The following SLC4A7 variants were observed in gnomAD, a reference collection of about 807,000 sequenced individuals.
The protein encoded by SLC4A7 is sodium bicarbonate cotransporter 3.
Under a neutral mutation model 137.6 loss-of-function variants are expected in SLC4A7, and 51 were observed. The observed-to-expected ratio is 0.37, with a 90% CI of 0.30 to 0.47. The LOEUF (loss-of-function observed/expected upper bound fraction) is 0.47. Ranked by LOEUF, SLC4A7 falls within the 20% of genes least tolerant of loss-of-function variation. The probability of loss-of-function intolerance (pLI) is 1.00; values close to 1 mark genes in which losing one functional copy is unlikely to be tolerated. For synonymous variants in SLC4A7, 542 were observed against 518.6 expected, an observed-to-expected ratio of 1.05 and a Z score of -0.61; for missense variants, 1,247 against 1,525.4, an observed-to-expected ratio of 0.82 and a Z score of 3.04.
intron 18 of SLC4A7, 81 bp downstream of exon 18, chr3:27,397,603 T>A (rs565240254): frequency 7.0e-6 from 5 of 713,292 alleles, no homozygotes; most frequent in South Asian, 5.1e-5. Context: ...TTTAAAACAA[T>A]AACTACTGAG....
chr3:27,433,829 A>C (rs976415495), intron 6 of SLC4A7, 87 bp downstream of exon 6: 12 of 1,177,358 alleles, frequency 1.0e-5, no homozygotes, highest in Admixed American at 1.9e-5. Flanking sequence ...GTGAGTGTTT[A>C]AATATCCCCA....
chr3:27,471,108 A>T (rs531776380), intron 1 of SLC4A7, among the ~76,000 whole-genome samples: 1 of 152,308 alleles, frequency 6.6e-6, no homozygotes, highest in East Asian at 1.9e-4. Context: ...TGTATAAAAT[A>T]AAAAGTTTCA....
In SLC4A7 at chr3:27,374,550, T is replaced by A. The variant is rs2049773934; in HGVS notation, c.*2214A>T. 6.6e-6 allele frequency: 1 copy of A among 152,512 alleles called. No individual in the cohort carries two copies. Among genetic ancestry groups the A allele is most frequent in the African/African-American group, 2.4e-5 (1 of 41,450 alleles). The allele number at this position is 152,512 out of a possible 1,614,324, so 9.4% of individuals were successfully genotyped here. A position where few individuals can be genotyped will look rare whatever the true frequency, so the allele number is the denominator to read the frequency against. ...AACATGAGTTACCTTTGCTCTTAAA[T>A]GGAGTAGTCAGATCATTTTGTCAGT... On this transcript the variant is annotated 3_prime_UTR_variant, in exon 26 of 26. Transcript: ENST00000454389.
intron 15 of SLC4A7, 143 bp from the exon 16 acceptor site, chr3:27,401,012 T>A (rs2052692736): frequency 9.8e-6 from 5 of 509,738 alleles, no homozygotes; most frequent in Non-Finnish European, 1.7e-5. Flanking sequence ...GGAAAATACA[T>A]CAGAAACAAC....
chr3:27,470,616 C>T (rs1386438581), intron 1 of SLC4A7, among the ~76,000 whole-genome samples: 1 of 149,522 alleles, frequency 6.7e-6, no homozygotes, highest in African/African-American at 2.5e-5. Flanking sequence ...GGGTGGCTAC[C>T]TCATGGGCAG....
rs150493940 is a variant in SLC4A7 at position 27,376,766 on chromosome 3, A to G, written c.3778T>C (p.Ter1260GlnextTer2). The change falls in exon 26 of 26, where the codon TAG becomes CAG. Residue 1260 changes from the stop codon to glutamine (Q), a stop_lost. Transcript: ENST00000454389. The part of the protein sequence containing the change: ...KKYVDAETSL[*>Q] ...GTATAATGCCTCTTGGTTCAATTCT[A>G]TAATGAAGTTTCAGCATCCACGTAT... 1.1e-4 allele frequency: 176 copies of G among 1,582,274 alleles called. No individual in the cohort carries two copies. Among genetic ancestry groups the G allele is most frequent in the Non-Finnish European group, 1.4e-4 (158 of 1,156,048 alleles).
In SLC4A7 at chr3:27,397,740, T is replaced by C; in HGVS notation, c.2647A>G (p.Ile883Val). ...VFLTIVIMVT[I>V]DYLVGVPSPK... The stretch of plus-strand genomic sequence containing the variant: ...GATGGAACTCCTACAAGGTAGTCAA[T>C]TGTAACCATTATTACTATTGTGAGA... The change falls in exon 18 of 26, where the codon ATT becomes GTT. Residue 883 changes from isoleucine (I) to valine (V), a missense_variant. Physicochemically the swap from Ile to Val is conservative, Grantham distance 29. Transcript: ENST00000454389. 1.9e-6 allele frequency: 3 copies of C among 1,610,268 alleles called. No homozygotes were observed. The highest frequency in any genetic ancestry group is 2.5e-6 in the Non-Finnish European group (3 of 1,178,100).
chr3:27,394,100 C>T (rs1296578924), intron 20 of SLC4A7, among the ~76,000 whole-genome samples: 1 of 152,106 alleles, frequency 6.6e-6, no homozygotes, highest in African/African-American at 2.4e-5. Context: ...CTCACTGCAG[C>T]CTTGACCTCC....
intron 11 of SLC4A7, among the ~76,000 whole-genome samples, chr3:27,416,365 T>A (rs1461813172): frequency 6.6e-6 from 1 of 152,210 alleles, no homozygotes; most frequent in African/African-American, 2.4e-5. Flanking sequence ...TCTTTACTTT[T>A]ATTTACATTT....
intron 22 of SLC4A7, among the ~76,000 whole-genome samples, chr3:27,388,102 G>C (rs1480463203): frequency 6.6e-6 from 1 of 151,906 alleles, no homozygotes; most frequent in East Asian, 1.9e-4. Context: ...TTCTATTAAG[G>C]GCTCAGTCTT....
At chr3:27,417,885 T>C (rs1255333587) in intron 11 of SLC4A7, among the ~76,000 whole-genome samples, 2 of 152,174 alleles carry the variant, frequency 1.3e-5, no homozygotes, top group South Asian at 2.1e-4. Context: ...GGCCCTTTCA[T>C]ACATCACTGC....
intron 15 of SLC4A7, 131 bp from the exon 16 acceptor site, chr3:27,401,000 G>T: frequency 1.9e-6 from 1 of 531,820 alleles, no homozygotes; most frequent in South Asian, 3.1e-5. Flanking sequence ...AGACTAGAAA[G>T]TGGAAAATAC....
intron 21 of SLC4A7, 50 bp from the exon 22 acceptor site, chr3:27,390,154 A>G (rs1429384781): frequency 1.8e-6 from 2 of 1,128,284 alleles, no homozygotes; most frequent in South Asian, 1.4e-5. Context: ...TATTTCTGCT[A>G]TTTAGGAGAA....
intron 12 of SLC4A7, 23 bp from the exon 13 acceptor site, chr3:27,409,553 G>A (rs372711351): frequency 1.9e-4 from 307 of 1,593,614 alleles, no homozygotes; most frequent in East Asian, 2.9e-4. Flanking sequence ...GATGAAACTC[G>A]TCAAACTGTA....
intron 3 of SLC4A7, among the ~76,000 whole-genome samples, chr3:27,443,571 T>C (rs564699394): frequency 6.6e-6 from 1 of 152,310 alleles, no homozygotes; most frequent in African/African-American, 2.4e-5. Flanking sequence ...GCCCTATTTT[T>C]TTTCCTTAGT....
At chr3:27,404,809 G>A (rs1236526145) in intron 14 of SLC4A7, 21 bp downstream of exon 14, 2 of 1,549,964 alleles carry the variant, frequency 1.3e-6, no homozygotes, top group Admixed American at 1.9e-5. Flanking sequence ...CATGTGATAA[G>A]TAGAGAGGGC....
chr3:27,389,794 A>C (rs914962467), intron 22 of SLC4A7, 137 bp downstream of exon 22: 23 of 619,794 alleles, frequency 3.7e-5, no homozygotes, highest in Admixed American at 1.0e-4. Flanking sequence ...ATCTAGTAAC[A>C]GCTAATTCAC....
chr3:27,483,922 A>C, intron 1 of SLC4A7, 145 bp downstream of exon 1: 1 of 363,126 alleles, frequency 2.8e-6, no homozygotes, highest in Non-Finnish European at 4.0e-6. Flanking sequence ...GGGGATGGCG[A>C]GGCGCGCCGG....
chr3:27,461,911 A>G (rs1036076753), intron 1 of SLC4A7, among the ~76,000 whole-genome samples: 8 of 152,056 alleles, frequency 5.3e-5, no homozygotes, highest in African/African-American at 1.9e-4. Flanking sequence ...GTAGTGACCC[A>G]AGATTGTACC....
Sources: gnomAD v4.1 joint callset for allele counts (sites outside exome capture counted in the v4.1 genomes callset) on GRCh38, gnomAD v4.1.1 for gene constraint, MANE v1.5 for transcripts, NCBI Gene and HGNC (gene_info 2026-07-23, HGNC 2026-07-21) for gene names.